Variants in TMC6 observed in about 807,000 individuals in gnomAD.
The protein encoded by TMC6 is transmembrane channel like 6, also known as transmembrane channel-like protein 6.
TMC6 carries 71 observed loss-of-function variants against 95.4 expected under a neutral mutation model. That is an observed-to-expected ratio of 0.74 (90% CI 0.61 to 0.91). TMC6 has a LOEUF of 0.91. Among genes scored for constraint, TMC6 ranks in the 40% least tolerant of loss-of-function variants. The pLI is 0.00. For missense variants in TMC6, 1,074 were observed against 1,079.1 expected, an observed-to-expected ratio of 1.00 and a Z score of 0.07; for synonymous variants, 514 against 483.1, an observed-to-expected ratio of 1.06 and a Z score of -0.84.
At position 78,125,687 on chromosome 17, in the gene TMC6, C is replaced by T. The variant is rs543021697; in HGVS notation, c.430+39G>A. On this transcript the variant is annotated intron_variant, in intron 5 of 19. Coordinates refer to ENST00000590602, the MANE Select transcript of TMC6 (RefSeq NM_001127198.5). Reference sequence around the variant, plus strand: ...TGGCCTCTTGCACCCCACCCCAGGCCGGTGTCCGCCACTGGGGCTCCAGTG... The same window carrying T: ...TGGCCTCTTGCACCCCACCCCAGGCTGGTGTCCGCCACTGGGGCTCCAGTG... The T allele has an allele frequency of 6.2e-5, 96 of 1,550,898 alleles. No homozygotes were observed. In the South Asian group the frequency reaches 8.8e-4, roughly 14 times the overall value.
intron 19 of TMC6, 48 bp from the exon 20 acceptor site, chr17:78,113,259 C>G (rs374890286): frequency 5.2e-6 from 8 of 1,535,640 alleles, no homozygotes; most frequent in South Asian, 3.6e-5. Context: ...CATCAACATC[C>G]CTGCAACCTG....
At chr17:78,113,247 A>T in intron 19 of TMC6, 36 bp from the exon 20 acceptor site, 1 of 1,543,108 alleles carries the variant, frequency 6.5e-7, no homozygotes, top group Non-Finnish European at 8.8e-7. Context: ...GGACCCCATA[A>T]ACATCAACAT....
Position 78,124,965 on chromosome 17 carries a change from C to G in TMC6, c.557G>C (p.Arg186Thr). The G allele has an allele frequency of 3.1e-6, 5 of 1,594,302 alleles. No individual in the cohort carries two copies. Among genetic ancestry groups the G allele is most frequent in the South Asian group, 1.1e-5 (1 of 88,952 alleles). ...RSLREKSRTP[R>T]GKWRGQPGSG... is the part of the protein sequence containing the mutation. ...GCCCGGCTGGCCCCTCCACTTCCCC[C>G]TCGGGGTCCTGCTCTTCTCTCTGGG... is the stretch of plus-strand genomic sequence containing the variant. The change falls in exon 7 of 20, where the codon AGG (arginine) becomes ACG (threonine). Residue 186 changes from arginine to threonine, a missense_variant. Coordinates refer to ENST00000590602, the MANE Select transcript of TMC6 (RefSeq NM_001127198.5).
chr17:78,112,949 A>G lies in TMC6; in HGVS notation c.*199T>C, dbSNP rs2073865223. The G allele has an allele frequency of 3.2e-6, 2 of 628,968 alleles. No homozygotes were observed. The highest frequency in any genetic ancestry group is 2.7e-5 in the Admixed American group (1 of 37,186). The allele number at this position is 628,968 out of a possible 1,614,324, so 39.0% of individuals were successfully genotyped here. On this transcript the variant is annotated 3_prime_UTR_variant, in exon 20 of 20. Transcript: ENST00000590602. ...TGCAAAACCCCTTTAATCAGAATAA[A>G]TAGAGTCCCAGGCAGGGCAGAGTTC...
Position 78,124,966 on chromosome 17 carries a change from T to C in TMC6, c.556A>G (p.Arg186Gly). The C allele has an allele frequency of 6.3e-7, 1 of 1,594,164 alleles. No individual in the cohort carries two copies. The highest frequency in any genetic ancestry group is 1.7e-5 in the Admixed American group (1 of 58,014). Residue 186 changes from arginine (R) to glycine (G), a missense_variant, in exon 7 of 20, where the codon AGG (arginine) becomes GGG (glycine). By Grantham distance (125) the Arg-to-Gly change is moderately radical. Transcript: ENST00000590602. ...RSLREKSRTPRGKWRGQPGSG... is the reference protein window; with the variant it reads ...RSLREKSRTPGGKWRGQPGSG... ...CCCGGCTGGCCCCTCCACTTCCCCCTCGGGGTCCTGCTCTTCTCTCTGGGG... is the reference window on the plus strand; with the variant it reads ...CCCGGCTGGCCCCTCCACTTCCCCCCCGGGGTCCTGCTCTTCTCTCTGGGG...
intron 18 of TMC6, among the ~76,000 whole-genome samples, chr17:78,115,998 T>C (rs1233597370): frequency 1.3e-5 from 2 of 151,942 alleles, no homozygotes; most frequent in African/African-American, 4.8e-5. Context: ...GACCCCCTTC[T>C]GCAACTCACT....
chr17:78,117,287 G>A lies in TMC6; in HGVS notation c.2259C>T (p.Leu753=). Residue 753 remains leucine, a synonymous_variant, in exon 18 of 20, where the codon CTC becomes CTT. Transcript: ENST00000590602. The stretch of plus-strand genomic sequence containing the variant: ...CACTCACATTGCTGATCTGCTCCTT[G>A]AGCAGGCAGATGACCTTGCGCTGGC... The part of the protein sequence containing the change: ...VRGQRKVICL[L]KEQISNEGED... 1 of 1,613,538 alleles carries A rather than the reference G, an allele frequency of 6.2e-7. No individual in the cohort carries two copies. Among genetic ancestry groups the A allele is most frequent in the African/African-American group, 1.3e-5 (1 of 75,036 alleles).
chr17:78,129,512 C>T (rs1007259734), upstream of TMC6, among the ~76,000 whole-genome samples: 4 of 152,172 alleles, frequency 2.6e-5, no homozygotes, highest in Admixed American at 6.5e-5. The surrounding 1 kb of genome is among the most constrained non-coding windows in gnomAD (Gnocchi z 4.3). Flanking sequence ...TTGTACCCCC[C>T]ACCCCAAGCC....
rs1216145341 is a variant in TMC6 at position 78,112,224 on chromosome 17, A to T, written c.*924T>A. ...TGGTCCCCGCAGGCCTGGAGAACTG[A>T]GGCTGACGGGCTGGTCCCCGCAGGC... On this transcript the variant is annotated 3_prime_UTR_variant, in exon 20 of 20. Coordinates refer to ENST00000590602, the MANE Select transcript of TMC6 (RefSeq NM_001127198.5). The T allele has an allele frequency of 4.8e-6, 1 of 207,182 alleles. No homozygotes were observed. Among genetic ancestry groups the T allele is most frequent in the African/African-American group, 3.0e-5 (1 of 33,470 alleles). 12.8% of individuals were successfully genotyped at this position (207,182 alleles called of 1,614,324 possible).
chr17:78,113,836 T>C (rs2073918282), intron 18 of TMC6: 2 of 588,556 alleles, frequency 3.4e-6, no homozygotes, highest in Admixed American at 2.7e-5. Flanking sequence ...CTAAGCTTCC[T>C]AGTGGCCAAA....
At chr17:78,127,244 G>A (rs1168830041) in intron 1 of TMC6, among the ~76,000 whole-genome samples, 2 of 152,152 alleles carry the variant, frequency 1.3e-5, no homozygotes, top group East Asian at 3.9e-4. Context: ...CCATGCCCAG[G>A]GTTCTGGCAC....
rs540677297 is a variant in TMC6 at position 78,122,907 on chromosome 17, C to G, written c.1083-158G>C. The G allele has an allele frequency of 1.0e-6, 1 of 962,670 alleles. No homozygotes were observed. Among genetic ancestry groups the G allele is most frequent in the East Asian group, 2.6e-5 (1 of 38,176 alleles). The allele number at this position is 962,670 out of a possible 1,614,324, so 59.6% of individuals were successfully genotyped here. ...CTCCTGCCACACCCCTGCCCCACCACCAGCCCTCTACACCAGTCTCATCCA... is the reference window on the plus strand; with the variant it reads ...CTCCTGCCACACCCCTGCCCCACCAGCAGCCCTCTACACCAGTCTCATCCA... On this transcript the variant is annotated intron_variant, in intron 9 of 19. Transcript: ENST00000590602. The surrounding 1 kb of genome is among the most constrained non-coding windows in gnomAD (Gnocchi z 4.9).
At chr17:78,123,894 G>A in intron 9 of TMC6, 95 bp downstream of exon 9, 5 of 1,510,708 alleles carry the variant, frequency 3.3e-6, no homozygotes, top group East Asian at 2.3e-5. Context: ...TGGACAGAAG[G>A]AAGAAAGGAA....
chr17:78,122,363 C>T lies in TMC6; in HGVS notation c.1227+242G>A, dbSNP rs12949780. On this transcript the variant is annotated intron_variant, in intron 10 of 19. Coordinates refer to ENST00000590602, the MANE Select transcript of TMC6 (RefSeq NM_001127198.5). This position sits in a 1 kb window ranked among gnomAD's most constrained non-coding sequence, Gnocchi z 4.9. ...CTCCCGGGTGCCCACGGGGCCATGG[C>T]GCTACTACGCGCTAGCAGACAACAG... Among the ~76,000 whole-genome samples the T allele has an allele frequency of 0.017, 2,647 of 152,022 alleles. 48 individuals are homozygous for T. The highest frequency in any genetic ancestry group is 0.026 in the Non-Finnish European group (1,740 of 67,938).
chr17:78,117,407 C>G lies in TMC6; in HGVS notation c.2199-60G>C, dbSNP rs1425943820. The G allele has an allele frequency of 7.4e-6, 12 of 1,611,998 alleles. No individual in the cohort carries two copies. The Middle Eastern group carries it at 8.7e-4, about 117-fold the overall frequency. The stretch of plus-strand genomic sequence containing the variant: ...CCACAGCCCGGGAGCGGCCAGTCCC[C>G]ACACGGTGCAGGCCCAGCGAGGGCC... On this transcript the variant is annotated intron_variant, in intron 17 of 19. Coordinates refer to ENST00000590602, the MANE Select transcript of TMC6 (RefSeq NM_001127198.5).
In TMC6 at chr17:78,122,789, GACGGGCAGAGGCC is replaced by G. The variant is rs1195678491; in HGVS notation, c.1083-53_1083-41del. 2 of 1,597,384 alleles carry G rather than the reference GACGGGCAGAGGCC, an allele frequency of 1.3e-6. No homozygotes were observed. Among genetic ancestry groups the G allele is most frequent in the African/African-American group, 1.3e-5 (1 of 74,590 alleles). Reference sequence around the variant, plus strand: ...ACACAGACATGGCAACCAACAAGCTGACGGGCAGAGGCCAAGGGGAGAAGGCAGACCGGATGCT... The same window carrying G: ...ACACAGACATGGCAACCAACAAGCTGAAGGGGAGAAGGCAGACCGGATGCT... On this transcript the variant is annotated intron_variant, in intron 9 of 19. Transcript: ENST00000590602. This position sits in a 1 kb window ranked among gnomAD's most constrained non-coding sequence, Gnocchi z 4.9.
Position 78,121,100 on chromosome 17 carries a change from T to C in TMC6, c.1448A>G (p.Asn483Ser), listed in dbSNP as rs1396153860. The C allele has an allele frequency of 1.9e-6, 3 of 1,612,146 alleles. No individual in the cohort carries two copies. Among genetic ancestry groups the C allele is most frequent in the South Asian group, 1.1e-5 (1 of 91,006 alleles). ...ACGGCACAGGTAGGGGGCCCCCAGG[T>C]TGAGGAGGCCAACCACCAGGGGCAG... is the stretch of plus-strand genomic sequence containing the variant. ...LVLPLVVGLL[N>S]LGAPYLCRVL... Residue 483 changes from asparagine (N) to serine (S), a missense_variant, in exon 12 of 20, where the codon AAC (asparagine) becomes AGC (serine). Asn to Ser is a conservative substitution (Grantham distance 46). Transcript: ENST00000590602. This position sits in a 1 kb window ranked among gnomAD's most constrained non-coding sequence, Gnocchi z 5.6.
chr17:78,123,364 T>G (rs140499196), intron 9 of TMC6, among the ~76,000 whole-genome samples: 2 of 151,976 alleles, frequency 1.3e-5, no homozygotes, highest in Non-Finnish European at 2.9e-5. Context: ...GATGGATGAA[T>G]AAATGTGTGG....
chr17:78,117,203 G>C, intron 18 of TMC6, 66 bp downstream of exon 18: 1 of 1,552,286 alleles, frequency 6.4e-7, no homozygotes, highest in South Asian at 1.1e-5. Context: ...GGGGAGTGGA[G>C]GGGAGCGTCA....
Sources: gnomAD v4.1 joint callset for allele counts (sites outside exome capture counted in the v4.1 genomes callset) on GRCh38, gnomAD v4.1.1 for gene constraint, Gnocchi (gnomAD v3.1) non-coding constraint, MANE v1.5 for transcripts, NCBI Gene and HGNC (gene_info 2026-07-23, HGNC 2026-07-21) for gene names.